Variants in STARD13 observed in about 807,000 individuals in gnomAD.
STARD13 encodes StAR related lipid transfer domain containing 13.
A neutral mutation model predicts 106.4 loss-of-function variants in STARD13; 62 were observed. That is an observed-to-expected ratio of 0.58 (90% CI 0.48 to 0.72). The LOEUF (loss-of-function observed/expected upper bound fraction) is 0.72, where lower values mean the gene tolerates loss of function less well. Ranked by LOEUF, STARD13 falls within the 30% of genes least tolerant of loss-of-function variation. STARD13 has a pLI of 0.00. For synonymous variants in STARD13, 565 were observed against 553.0 expected (o/e 1.02, Z -0.31); for missense variants, 1,387 against 1,424.0 (o/e 0.97, Z 0.42).
At chr13:33,259,879 A>C (rs1395238495) in intron 1 of STARD13, among the ~76,000 whole-genome samples, 4 of 151,478 alleles carry the variant, frequency 2.6e-5, no homozygotes, top group African/African-American at 9.7e-5. Context: ...CATGGGAGGG[A>C]CCTGCTACTC....
the STARD13 span, among the ~76,000 whole-genome samples, chr13:33,421,052 C>A: frequency 1.3e-5 from 2 of 152,084 alleles, no homozygotes; most frequent in Admixed American, 6.6e-5. Context: ...GCTAGAGAAG[C>A]AAGAGCAAAC....
the STARD13 span, among the ~76,000 whole-genome samples, chr13:33,637,941 T>C: frequency 6.6e-6 from 1 of 152,226 alleles, no homozygotes; most frequent in Non-Finnish European, 1.5e-5. Context: ...TCAACTTTAT[T>C]AACAGGTTAA....
At chr13:33,108,406 C>T (rs1448129828) in intron 12 of STARD13, among the ~76,000 whole-genome samples, 2 of 152,242 alleles carry the variant, frequency 1.3e-5, no homozygotes, top group Non-Finnish European at 2.9e-5. Context: ...GTCCACTCCA[C>T]TTCTTCAAGT....
chr13:33,660,505 T>C, the STARD13 span, among the ~76,000 whole-genome samples: 130,453 of 152,174 alleles, frequency 0.86, 56,878 homozygotes, highest in South Asian at 0.96. Flanking sequence ...TTGTTTCCTT[T>C]GATAGTAACA....
chr13:33,545,556 C>T, the STARD13 span, among the ~76,000 whole-genome samples: 1 of 152,166 alleles, frequency 6.6e-6, no homozygotes, highest in African/African-American at 2.4e-5. Flanking sequence ...TGTTGGATCC[C>T]TCCAAATCTC....
intron 1 of STARD13, chr13:33,271,446 T>C (rs1053726268): frequency 1.3e-5 from 2 of 152,334 alleles, no homozygotes; most frequent in Admixed American, 6.5e-5. Context: ...TGGGGGAGAA[T>C]GGGCATCCCA....
At chr13:33,310,419 A>G (rs1338625444) in intron 1 of STARD13, among the ~76,000 whole-genome samples, 4 of 152,196 alleles carry the variant, frequency 2.6e-5, no homozygotes, top group Non-Finnish European at 4.4e-5. Context: ...ATTCAGGAAA[A>G]CTGCACAGAC....
chr13:33,566,112 A>G, the STARD13 span, among the ~76,000 whole-genome samples: 511 of 148,380 alleles, frequency 3.4e-3, 39 homozygotes, highest in African/African-American at 0.012. Flanking sequence ...ACTTCATCTC[A>G]TTACATCAGC....
chr13:33,587,114 G>A, the STARD13 span, among the ~76,000 whole-genome samples: 1 of 151,878 alleles, frequency 6.6e-6, no homozygotes, highest in Admixed American at 6.6e-5. Flanking sequence ...TACTCAGGAG[G>A]CTGGGGCAGG....
At chr13:33,487,464 A>G in the STARD13 span, among the ~76,000 whole-genome samples, 4 of 152,200 alleles carry the variant, frequency 2.6e-5, no homozygotes, top group African/African-American at 9.6e-5. Flanking sequence ...TATATTTTAA[A>G]TAGTCTGTGA....
At chr13:33,399,157 A>G in the STARD13 span, among the ~76,000 whole-genome samples, 1 of 152,242 alleles carries the variant, frequency 6.6e-6, no homozygotes, top group Non-Finnish European at 1.5e-5. Flanking sequence ...ATTCAGGCAT[A>G]AAAAAGAAAG....
At chr13:33,653,846 C>T in the STARD13 span, among the ~76,000 whole-genome samples, 26 of 152,150 alleles carry the variant, frequency 1.7e-4, no homozygotes, top group African/African-American at 2.9e-4. Context: ...GGATGAGTAA[C>T]GCAATTTAAA....
intron 3 of STARD13, among the ~76,000 whole-genome samples, chr13:33,148,248 T>G (rs1880813712): frequency 6.6e-6 from 1 of 152,196 alleles, no homozygotes; most frequent in Admixed American, 6.5e-5. Flanking sequence ...TACTTCTACT[T>G]AGTTCTTTCA....
the STARD13 span, among the ~76,000 whole-genome samples, chr13:33,423,886 T>C: frequency 1.3e-5 from 2 of 152,046 alleles, no homozygotes; most frequent in South Asian, 2.1e-4. Flanking sequence ...TAGGTGGGAA[T>C]TGAACAATGA....
chr13:33,390,280 A>G, the STARD13 span, among the ~76,000 whole-genome samples: 1 of 152,210 alleles, frequency 6.6e-6, no homozygotes, highest in Non-Finnish European at 1.5e-5. Context: ...AATCTGAACC[A>G]AAGACTGTTC....
chr13:33,612,437 G>A, the STARD13 span, among the ~76,000 whole-genome samples: 12 of 151,910 alleles, frequency 7.9e-5, no homozygotes, highest in Non-Finnish European at 1.8e-4. Flanking sequence ...CAACCTGACC[G>A]GTCTGATCAT....
At chr13:33,475,492 C>G in the STARD13 span, among the ~76,000 whole-genome samples, 1 of 152,110 alleles carries the variant, frequency 6.6e-6, no homozygotes, top group African/African-American at 2.4e-5. Flanking sequence ...CTTTGTCAAG[C>G]CTCCAAAATA....
intron 1 of STARD13, among the ~76,000 whole-genome samples, chr13:33,329,853 G>C (rs2077817279): frequency 6.6e-6 from 1 of 151,926 alleles, no homozygotes; most frequent in African/African-American, 2.4e-5. Flanking sequence ...ACAGGTGCCT[G>C]CCACCATGCC....
chr13:33,310,262 T>A (rs1893081223), intron 1 of STARD13, among the ~76,000 whole-genome samples: 1 of 152,158 alleles, frequency 6.6e-6, no homozygotes, highest in African/African-American at 2.4e-5. Flanking sequence ...TCAATGAGTT[T>A]AAGACAAGAC....
Sources: gnomAD v4.1 joint callset for allele counts (sites outside exome capture counted in the v4.1 genomes callset) on GRCh38, gnomAD v4.1.1 for gene constraint, MANE v1.5 for transcripts, NCBI Gene and HGNC (gene_info 2026-07-23, HGNC 2026-07-21) for gene names.